OXR1: variants seen among roughly 807,000 people sequenced by gnomAD.
The protein encoded by OXR1 is oxidation resistance 1, also known as oxidation resistance protein 1.
A neutral mutation model predicts 104.6 loss-of-function variants in OXR1; 41 were observed. That is an observed-to-expected ratio of 0.39 (90% CI 0.31 to 0.51). The LOEUF (loss-of-function observed/expected upper bound fraction) is 0.51. Ranked by LOEUF, OXR1 falls within the 20% of genes least tolerant of loss-of-function variation. The probability of loss-of-function intolerance (pLI) is 0.77; values close to 1 mark genes in which losing one functional copy is unlikely to be tolerated. For missense variants in OXR1, 955 were observed against 1,031.9 expected, an observed-to-expected ratio of 0.93 and a Z score of 1.02; for synonymous variants, 348 against 348.4, an observed-to-expected ratio of 1.00 and a Z score of 0.01.
intron 2 of OXR1, among the ~76,000 whole-genome samples, chr8:106,516,334 C>A (rs896563088): frequency 6.6e-6 from 1 of 152,112 alleles, no homozygotes; most frequent in Non-Finnish European, 1.5e-5. Context: ...CTTTTTGCCA[C>A]CTAATTTGTT....
chr8:106,719,453 T>G (rs1047367376), intron 11 of OXR1, among the ~76,000 whole-genome samples: 4 of 152,222 alleles, frequency 2.6e-5, no homozygotes, highest in Admixed American at 2.6e-4. Flanking sequence ...GTTATTCAAA[T>G]GTCATAAAAA....
chr8:106,362,799 G>T (rs1343228357), intron 2 of OXR1, among the ~76,000 whole-genome samples: 1 of 152,182 alleles, frequency 6.6e-6, no homozygotes, highest in Non-Finnish European at 1.5e-5. Context: ...TGGTAGCATG[G>T]ATAAGTAATT....
At position 106,703,048 on chromosome 8, in the gene OXR1, A is replaced by G. The variant is rs1830723703; in HGVS notation, c.818A>G (p.Tyr273Cys). ...PMEEVMSAAMYKEILDSKIKE... is the reference protein window; with the variant it reads ...PMEEVMSAAMCKEILDSKIKE... ...GAAGAGGTGATGTCAGCTGCAATGT[A>G]CAAAGAAATTTTGGATAGCAAAATA... Residue 273 changes from tyrosine to cysteine, a missense_variant, in exon 8 of 17, where the codon TAC becomes TGC. Physicochemically the swap from Tyr to Cys is radical, Grantham distance 194. Around this residue, in one of 2 missense-constraint regions of OXR1, gnomAD observed 849 missense variants for 852.9 expected, o/e 1.00. Transcript: ENST00000517566. The G allele has an allele frequency of 1.2e-6, 2 of 1,613,598 alleles. No individual in the cohort carries two copies. Among genetic ancestry groups the G allele is most frequent in the Non-Finnish European group, 1.7e-6 (2 of 1,179,736 alleles).
intron 3 of OXR1, among the ~76,000 whole-genome samples, chr8:106,664,764 T>G (rs989065826): frequency 6.6e-6 from 1 of 152,248 alleles, no homozygotes; most frequent in East Asian, 1.9e-4. Context: ...TTTAATATTT[T>G]TCTCAGGAGG....
chr8:106,417,362 T>C lies in OXR1; in HGVS notation c.23+57726T>C, dbSNP rs573527406. ...GCAAATAACAGAGAATGTACACTTCTTAAAACTAGATTTATAGATTTATCA... is the reference window on the plus strand; with the variant it reads ...GCAAATAACAGAGAATGTACACTTCCTAAAACTAGATTTATAGATTTATCA... On this transcript the variant is annotated intron_variant, in intron 2 of 16. Transcript: ENST00000517566. Among the ~76,000 whole-genome samples the C allele has an allele frequency of 9.2e-5, 14 of 152,268 alleles. No homozygotes were observed. In the East Asian group the frequency reaches 2.3e-3, roughly 25 times the overall value.
Position 106,591,279 on chromosome 8 carries a change from G to A in OXR1, c.220+72140G>A, listed in dbSNP as rs1167505983. Among the ~76,000 whole-genome samples the A allele has an allele frequency of 1.1e-3, 119 of 111,342 alleles. 1 individual carries two copies. The highest frequency in any genetic ancestry group is 3.9e-3 in the African/African-American group (111 of 28,708). The allele number at this position is 111,342 out of a possible 152,430, so 73.0% of individuals were successfully genotyped here. A position where few individuals can be genotyped will look rare whatever the true frequency, so the allele number is the denominator to read the frequency against. ...AGGAAGGGGAACATCACACACTGGG[G>A]ACTGTTGTGGGGTGGGGGGAGGGGG... On this transcript the variant is annotated intron_variant, in intron 3 of 16. Transcript: ENST00000517566.
At chr8:106,582,047 T>G (rs1460093956) in intron 3 of OXR1, among the ~76,000 whole-genome samples, 1 of 121,196 alleles carries the variant, frequency 8.3e-6, no homozygotes, top group Non-Finnish European at 1.8e-5. Context: ...AAAAAAAACC[T>G]AAAAAACAAC....
chr8:106,292,142 T>C (rs1404236265), intron 1 of OXR1, among the ~76,000 whole-genome samples: 2 of 152,198 alleles, frequency 1.3e-5, no homozygotes, highest in African/African-American at 2.4e-5. Context: ...AGTTATCATA[T>C]CTATTGTTGC....
At chr8:106,288,645 A>G (rs981968692) in intron 1 of OXR1, among the ~76,000 whole-genome samples, 1 of 147,772 alleles carries the variant, frequency 6.8e-6, no homozygotes, top group African/African-American at 2.5e-5. Context: ...ATTAATATAT[A>G]CACACACATA....
intron 2 of OXR1, among the ~76,000 whole-genome samples, chr8:106,418,533 AT>A (rs34749617): frequency 0.12 from 18,544 of 151,236 alleles, 1,528 homozygotes; most frequent in East Asian, 0.42. Context: ...TTTGTTGGTC[AT>A]TTTTTTTTAA....
chr8:106,409,589 G>C (rs114827960), intron 2 of OXR1, among the ~76,000 whole-genome samples: 1,896 of 152,236 alleles, frequency 0.012, 46 homozygotes, highest in African/African-American at 0.043. Context: ...AAAACATTTA[G>C]TGTAACTTTA....
At chr8:106,384,325 A>G (rs1817278733) in intron 2 of OXR1, among the ~76,000 whole-genome samples, 1 of 152,188 alleles carries the variant, frequency 6.6e-6, no homozygotes, top group African/African-American at 2.4e-5. Flanking sequence ...AGATAATGAC[A>G]TGCACACAAA....
chr8:106,606,012 A>G (rs373428402), intron 3 of OXR1, among the ~76,000 whole-genome samples: 2 of 151,982 alleles, frequency 1.3e-5, no homozygotes, highest in Admixed American at 6.6e-5. Context: ...TATGTTTCCT[A>G]TTGCAGTTGT....
chr8:106,380,226 T>G (rs534312184), intron 2 of OXR1, among the ~76,000 whole-genome samples: 15 of 147,048 alleles, frequency 1.0e-4, no homozygotes, highest in African/African-American at 4.1e-4. Flanking sequence ...ATACATTATA[T>G]AGTCTTCTCT....
At chr8:106,368,155 T>A (rs2130366217) in intron 2 of OXR1, among the ~76,000 whole-genome samples, 1 of 152,304 alleles carries the variant, frequency 6.6e-6, no homozygotes, top group East Asian at 1.9e-4. Flanking sequence ...TGACATGATC[T>A]GATTTCTAAA....
chr8:106,683,050 A>G (rs1828337206), intron 4 of OXR1, 149 bp from the exon 5 acceptor site: 2 of 499,334 alleles, frequency 4.0e-6, no homozygotes, highest in South Asian at 7.1e-5. Flanking sequence ...AACAAAACAC[A>G]GTGTTTCTTG....
chr8:106,271,760 T>G (rs1158116336), intron 1 of OXR1: 1 of 152,300 alleles, frequency 6.6e-6, no homozygotes, highest in Non-Finnish European at 1.5e-5. Context: ...CCTCTCCACT[T>G]ACATCCCAAA....
chr8:106,639,474 G>A (rs1345507374), intron 3 of OXR1, among the ~76,000 whole-genome samples: 1 of 152,140 alleles, frequency 6.6e-6, no homozygotes, highest in Non-Finnish European at 1.5e-5. Context: ...ACAATCTAAC[G>A]GGAGTGTTGA....
intron 3 of OXR1, among the ~76,000 whole-genome samples, chr8:106,543,713 C>A (rs1013153186): frequency 5.9e-5 from 9 of 152,274 alleles, no homozygotes; most frequent in African/African-American, 2.2e-4. Flanking sequence ...GATTTTTAGA[C>A]AAACCCAGAA....
Sources: allele counts gnomAD v4.1 joint callset (sites outside exome capture counted in the v4.1 genomes callset), GRCh38; gene constraint gnomAD v4.1.1; regional missense constraint gnomAD v4.1.1; transcripts MANE v1.5; gene names NCBI Gene and HGNC (gene_info 2026-07-23, HGNC 2026-07-21).